Variants in SCIMP observed in about 807,000 individuals in gnomAD.
SCIMP encodes the protein SLP adapter and CSK-interacting membrane protein.
A neutral mutation model predicts 22.0 loss-of-function variants in SCIMP; 18 were observed. The observed-to-expected ratio is 0.82, with a 90% CI of 0.56 to 1.21. The LOEUF (loss-of-function observed/expected upper bound fraction) is 1.21, where lower values mean the gene tolerates loss of function less well. SCIMP is among the 50% of genes most tolerant of loss of function. The pLI is 0.00. For synonymous variants in SCIMP, 53 were observed against 62.2 expected (o/e 0.85, Z 0.70); for missense variants, 155 against 171.2 (o/e 0.91, Z 0.53).
At chr17:5,214,887 T>C in intron 4 of SCIMP, 38 bp downstream of exon 4, 1 of 917,688 alleles carries the variant, frequency 1.1e-6, no homozygotes, top group Non-Finnish European at 1.8e-6. Flanking sequence ...CTCGTTATCT[T>C]ACCCTAAATG....
intron 1 of SCIMP, among the ~76,000 whole-genome samples, chr17:5,228,028 C>T (rs1383191226): frequency 6.6e-6 from 1 of 152,004 alleles, no homozygotes; most frequent in African/African-American, 2.4e-5. Context: ...AAAAATTAGC[C>T]AGGCATGGTG....
intron 3 of SCIMP, among the ~76,000 whole-genome samples, chr17:5,217,767 A>G (rs1233932945): frequency 6.6e-6 from 1 of 151,900 alleles, no homozygotes; most frequent in Admixed American, 6.6e-5. Context: ...GCTGCATAGT[A>G]TTCCATGGTG....
intron 1 of SCIMP, among the ~76,000 whole-genome samples, chr17:5,229,828 CCCCTT>C (rs1415495270): frequency 7.1e-6 from 1 of 140,110 alleles, no homozygotes; most frequent in Non-Finnish European, 1.6e-5. Flanking sequence ...CCCCTCCCCT[CCCCTT>C]CCCCCATCTC....
rs535746414 is a variant in SCIMP, at chr17:5,230,490, A to G, written c.21+4245T>C. Among the ~76,000 whole-genome samples the G allele has an allele frequency of 2.0e-5, 3 of 152,288 alleles. No homozygotes were observed. In the East Asian group the frequency reaches 5.8e-4, roughly 29 times the overall value. ...TGGAGTTCTGGGAGGGAAGGTGATG[A>G]GAAGAAGGGATGGAAAGATGAAAAG... On this transcript the variant is annotated intron_variant, in intron 1 of 4. Transcript: ENST00000574081.
chr17:5,217,464 A>G (rs1040668240), intron 3 of SCIMP, among the ~76,000 whole-genome samples: 6 of 151,154 alleles, frequency 4.0e-5, no homozygotes, highest in African/African-American at 1.5e-4. Flanking sequence ...CACAACGTGC[A>G]GGTTTGTTAC....
intron 2 of SCIMP, 99 bp downstream of exon 2, chr17:5,223,234 A>G (rs1286268753): frequency 1.6e-5 from 21 of 1,329,904 alleles, no homozygotes; most frequent in Non-Finnish European, 2.2e-5. Flanking sequence ...AATTCAGCTC[A>G]TTCAGGCCCA....
chr17:5,234,346 A>G (rs1236435467), intron 1 of SCIMP, among the ~76,000 whole-genome samples: 1 of 151,542 alleles, frequency 6.6e-6, no homozygotes, highest in African/African-American at 2.4e-5. Flanking sequence ...TAGCACCATG[A>G]CAGTCTTCTC....
At position 5,210,202 on chromosome 17, in the gene SCIMP, G is replaced by T. The variant is rs1212656419; in HGVS notation, c.*599C>A. Reference sequence around the variant, plus strand: ...ACATCATATAAAGGCACTGGGGTTTGCAGGGTGTCTAGGTGGGGAGGGTTC... The same window carrying T: ...ACATCATATAAAGGCACTGGGGTTTTCAGGGTGTCTAGGTGGGGAGGGTTC... On this transcript the variant is annotated 3_prime_UTR_variant, in exon 5 of 5. Transcript: ENST00000574081. The T allele has an allele frequency of 6.6e-6, 1 of 152,200 alleles. No individual in the cohort carries two copies. The highest frequency in any genetic ancestry group is 1.5e-5 in the Non-Finnish European group (1 of 68,102). 9.4% of individuals were successfully genotyped at this position (152,200 alleles called of 1,614,324 possible).
intron 4 of SCIMP, chr17:5,214,654 C>T (rs1336309991): frequency 1.9e-5 from 7 of 374,868 alleles, no homozygotes; most frequent in Non-Finnish European, 2.4e-5. Context: ...TCCTGGCTAA[C>T]GCGGTGAAAC....
At chr17:5,221,083 A>T (rs749644502) in intron 3 of SCIMP, 1 of 667,346 alleles carries the variant, frequency 1.5e-6, no homozygotes, top group South Asian at 1.6e-5. Context: ...AGAGAGAGAG[A>T]TGAGAGGAGG....
intron 1 of SCIMP, among the ~76,000 whole-genome samples, chr17:5,229,500 TC>T (rs1305366253): frequency 6.8e-6 from 1 of 148,010 alleles, no homozygotes; most frequent in East Asian, 2.0e-4. Context: ...TTCAAGCAAT[TC>T]TCCTGTCTTA....
At chr17:5,224,119 A>G (rs1361065533) in intron 1 of SCIMP, among the ~76,000 whole-genome samples, 2 of 152,142 alleles carry the variant, frequency 1.3e-5, no homozygotes, top group African/African-American at 4.8e-5. Flanking sequence ...TGCCATTTAA[A>G]GCAATAATTG....
At chr17:5,225,858 T>C (rs1174138202) in intron 1 of SCIMP, among the ~76,000 whole-genome samples, 1 of 152,020 alleles carries the variant, frequency 6.6e-6, no homozygotes, top group East Asian at 1.9e-4. Context: ...GACTTGCGAC[T>C]GACGTCTGGG....
intron 1 of SCIMP, among the ~76,000 whole-genome samples, chr17:5,231,775 C>A (rs369572370): frequency 1.3e-5 from 2 of 152,176 alleles, no homozygotes; most frequent in African/African-American, 4.8e-5. Flanking sequence ...GTCATCTTGG[C>A]GGGACGCGGT....
At chr17:5,221,499 A>T in intron 2 of SCIMP, 149 bp from the exon 3 acceptor site, 1 of 651,296 alleles carries the variant, frequency 1.5e-6, no homozygotes. Flanking sequence ...GAGCCTCTGC[A>T]CTAACCCAGT....
At chr17:5,234,698 A>T in intron 1 of SCIMP, 37 bp downstream of exon 1, 2 of 1,607,986 alleles carry the variant, frequency 1.2e-6, no homozygotes, top group Non-Finnish European at 1.7e-6. Flanking sequence ...CTGTGAAGAG[A>T]GCAGGAAACT....
At chr17:5,219,541 G>A (rs112588884) in intron 3 of SCIMP, among the ~76,000 whole-genome samples, 5,269 of 149,062 alleles carry the variant, frequency 0.035, 299 homozygotes, top group African/African-American at 0.12. Context: ...GGCAGGAGAA[G>A]CACTTGAACC....
In SCIMP at chr17:5,214,930, T is replaced by G. The variant is rs753664177; in HGVS notation, c.278A>C (p.Asp93Ala). Residue 93 changes from aspartate (D) to alanine (A), a missense_variant, in exon 4 of 5, where the codon GAC (aspartate) becomes GCC (alanine). Asp to Ala is a moderately radical substitution (Grantham distance 126). Transcript: ENST00000574081. ...TACCAGTAAAATATACTTACAAGAGTCTTCTAGAGAAGGCCAATTCCTCGG... is the reference window on the plus strand; with the variant it reads ...TACCAGTAAAATATACTTACAAGAGGCTTCTAGAGAAGGCCAATTCCTCGG... ...LPPRNWPSLE[D>A]SSPQEAPSQP... The G allele has an allele frequency of 1.3e-6, 2 of 1,584,330 alleles. No individual in the cohort carries two copies. Among genetic ancestry groups the G allele is most frequent in the Non-Finnish European group, 1.7e-6 (2 of 1,154,854 alleles).
chr17:5,222,683 A>G (rs1189941356), intron 2 of SCIMP, among the ~76,000 whole-genome samples: 1 of 151,466 alleles, frequency 6.6e-6, no homozygotes. Flanking sequence ...TTCTTTTTTG[A>G]TATGGAGTCT....
Sources: gnomAD v4.1 joint callset for allele counts (sites outside exome capture counted in the v4.1 genomes callset) on GRCh38, gnomAD v4.1.1 for gene constraint, MANE v1.5 for transcripts, NCBI Gene and HGNC (gene_info 2026-07-23, HGNC 2026-07-21) for gene names.